RSPH3: variants seen among roughly 807,000 people sequenced by gnomAD.
RSPH3 encodes radial spoke head protein 3 homolog.
In RSPH3, 21 loss-of-function variants were observed where a neutral mutation model predicts 43.8. The ratio of observed to expected loss-of-function variants is 0.48; its 90% confidence interval spans 0.34 to 0.69. The LOEUF (loss-of-function observed/expected upper bound fraction) is 0.69. RSPH3 is among the 30% of genes least tolerant of loss of function. The pLI, the probability that RSPH3 is intolerant of heterozygous loss-of-function variation, is 0.01. For synonymous variants in RSPH3, 173 were observed against 179.8 expected (o/e 0.96, Z 0.30); for missense variants, 487 against 516.0 (o/e 0.94, Z 0.54).
chr6:158,982,754 A>C, intron 4 of RSPH3, 66 bp from the exon 5 acceptor site: 1 of 1,049,674 alleles, frequency 9.5e-7, no homozygotes, highest in Non-Finnish European at 1.4e-6. Context: ...ACAAAAATAT[A>C]ATGAATAGCA....
Position 159,000,036 on chromosome 6 carries a change from C to T in RSPH3, c.-486G>A. The T allele has an allele frequency of 6.7e-7, 1 of 1,496,806 alleles. No homozygotes were observed. Among genetic ancestry groups the T allele is most frequent in the East Asian group, 2.3e-5 (1 of 43,002 alleles). 92.7% of individuals were successfully genotyped at this position (1,496,806 alleles called of 1,614,324 possible). A position where few individuals can be genotyped will look rare whatever the true frequency, so the allele number is the denominator to read the frequency against. On this transcript the variant is annotated 5_prime_UTR_variant, in exon 1 of 8. Coordinates refer to ENST00000367069, the MANE Select transcript of RSPH3 (RefSeq NM_031924.8). ...GGCCCGGCTTTGGAATGTGGCTTTG[C>T]AGGGCTGGTGTTGGCGCCATTCTCG...
chr6:158,994,535 C>T (rs561396809), intron 1 of RSPH3, among the ~76,000 whole-genome samples: 2 of 152,220 alleles, frequency 1.3e-5, no homozygotes, highest in African/African-American at 2.4e-5. Flanking sequence ...CCTGTAATCC[C>T]AGCTGCTCTG....
chr6:158,967,519 A>T, the RSPH3 span, among the ~76,000 whole-genome samples: 1 of 152,200 alleles, frequency 6.6e-6, no homozygotes, highest in African/African-American at 2.4e-5. Flanking sequence ...TTGGTCTAAC[A>T]TAATCCTGGA....
chr6:158,966,663 A>G, the RSPH3 span, among the ~76,000 whole-genome samples: 1 of 151,876 alleles, frequency 6.6e-6, no homozygotes, highest in Non-Finnish European at 1.5e-5. Context: ...CTGGTAAAAT[A>G]TCATTTCCTT....
At position 158,999,633 on chromosome 6, in the gene RSPH3, T is replaced by C. The variant is rs200241091; in HGVS notation, c.-83A>G. 6.8e-6 allele frequency: 11 copies of C among 1,613,178 alleles called. No individual in the cohort carries two copies. The Admixed American group carries it at 1.8e-4, about 27-fold the overall frequency. On this transcript the variant is annotated 5_prime_UTR_variant, in exon 1 of 8. Transcript: ENST00000367069. ...TAAGGTGTTGTGGGACCCGGAGAGA[T>C]GTAAGTAGTGCCAAGGGCAAGGATT... is the stretch of plus-strand genomic sequence containing the variant.
Position 158,980,808 on chromosome 6 carries a change from C to T in RSPH3, c.825G>A (p.Arg275=), listed in dbSNP as rs1462785305. ...DLLPSVFGSL[R]DSGYFYDPIE... ...TGGGATCATAAAAGTAGCCACTATC[C>T]CTGAGGCTGCCAAAAACAGACGGGA... Residue 275 remains arginine, a synonymous_variant, in exon 6 of 8, where the codon AGG becomes AGA. Transcript: ENST00000367069. 2 of 1,614,014 alleles carry T rather than the reference C, an allele frequency of 1.2e-6. No individual in the cohort carries two copies. Among genetic ancestry groups the T allele is most frequent in the Non-Finnish European group, 1.7e-6 (2 of 1,179,948 alleles).
In RSPH3 at chr6:158,993,941, A is replaced by G; in HGVS notation, c.117-15T>C. The stretch of plus-strand genomic sequence containing the variant: ...GTTCTTCATCTCTGTAAAACAGAAA[A>G]TTCTGTATAACCACTTTAATAGAGT... On this transcript the variant is annotated splice_polypyrimidine_tract_variant and intron_variant, in intron 1 of 7. Transcript: ENST00000367069. 1 of 1,450,874 alleles carries G rather than the reference A, an allele frequency of 6.9e-7. No individual in the cohort carries two copies. Among genetic ancestry groups the G allele is most frequent in the Non-Finnish European group, 9.7e-7 (1 of 1,032,076 alleles). 89.9% of individuals were successfully genotyped at this position (1,450,874 alleles called of 1,614,324 possible). A position where few individuals can be genotyped will look rare whatever the true frequency, so the allele number is the denominator to read the frequency against.
chr6:158,998,316 AAAAAG>A (rs1778680908), intron 1 of RSPH3, among the ~76,000 whole-genome samples: 1 of 147,570 alleles, frequency 6.8e-6, no homozygotes, highest in Non-Finnish European at 1.5e-5. Flanking sequence ...AAAAAAAAAA[AAAAAG>A]AGCCGGGCGT....
downstream of RSPH3, among the ~76,000 whole-genome samples, chr6:158,970,373 C>T (rs764890378): frequency 8.7e-4 from 133 of 152,066 alleles, no homozygotes; most frequent in Non-Finnish European, 1.2e-3. Context: ...GTTGGGCATG[C>T]CTTTACTATT....
intron 6 of RSPH3, among the ~76,000 whole-genome samples, chr6:158,980,163 A>G (rs1288002908): frequency 6.6e-6 from 1 of 152,186 alleles, no homozygotes; most frequent in Non-Finnish European, 1.5e-5. Flanking sequence ...GCTGGGCACG[A>G]GTGGCTCACG....
chr6:158,972,056 C>A (rs1381318674), downstream of RSPH3, among the ~76,000 whole-genome samples: 1 of 152,070 alleles, frequency 6.6e-6, no homozygotes, highest in South Asian at 2.1e-4. Context: ...CATGATAGGG[C>A]TGATATGGCA....
chr6:158,993,920 T>G lies in RSPH3; in HGVS notation c.123A>C (p.Glu41Asp). Reference protein sequence around the residue: ...RYRDSLTQPDEEPMHYGNIMY... With the variant: ...RYRDSLTQPDDEPMHYGNIMY... ...TTATGTTTCCATAATGCATAGGTTC[T>G]TCATCTCTGTAAAACAGAAAATTCT... The change falls in exon 2 of 8, where the codon GAA becomes GAC. Residue 41 changes from glutamate (E) to aspartate (D), a missense_variant. Glu to Asp is a conservative substitution (Grantham distance 45). Coordinates refer to ENST00000367069, the MANE Select transcript of RSPH3 (RefSeq NM_031924.8). 6.2e-7 allele frequency: 1 copy of G among 1,601,372 alleles called. No homozygotes were observed. Among genetic ancestry groups the G allele is most frequent in the South Asian group, 1.1e-5 (1 of 90,704 alleles).
the RSPH3 span, among the ~76,000 whole-genome samples, chr6:158,963,218 G>A: frequency 2.6e-4 from 40 of 152,190 alleles, no homozygotes; most frequent in Admixed American, 9.2e-4. Context: ...GAAAGGCAAT[G>A]TTATAAGTGA....
chr6:158,980,714 T>C, intron 6 of RSPH3, 60 bp downstream of exon 6: 2 of 1,323,682 alleles, frequency 1.5e-6, no homozygotes, highest in Non-Finnish European at 2.1e-6. Context: ...TAAGATAAAT[T>C]TGAACCATTA....
chr6:158,980,348 G>A (rs1777991780), intron 6 of RSPH3, among the ~76,000 whole-genome samples: 1 of 151,720 alleles, frequency 6.6e-6, no homozygotes, highest in Non-Finnish European at 1.5e-5. Context: ...AGAATTGCTT[G>A]AACCCAGGAG....
At position 158,981,806 on chromosome 6, in the gene RSPH3, A is replaced by G. The variant is rs544164369; in HGVS notation, c.696+679T>C. Among the ~76,000 whole-genome samples, 37 of 152,314 alleles carry G rather than the reference A, an allele frequency of 2.4e-4. No homozygotes were observed. The South Asian group carries it at 7.5e-3, about 31-fold the overall frequency. On this transcript the variant is annotated intron_variant, in intron 5 of 7. Coordinates refer to ENST00000367069, the MANE Select transcript of RSPH3 (RefSeq NM_031924.8). The stretch of plus-strand genomic sequence containing the variant: ...TTTTTTCTTAACTGTTTCAGGTATT[A>G]AGATATGACTTTATAATTTGTTCAT...
downstream of RSPH3, among the ~76,000 whole-genome samples, chr6:158,968,126 C>T (rs769764193): frequency 1.3e-5 from 2 of 152,148 alleles, no homozygotes; most frequent in Non-Finnish European, 2.9e-5. Context: ...TGGATTTTTA[C>T]ATGTCTTATG....
chr6:158,964,527 C>T, the RSPH3 span, among the ~76,000 whole-genome samples: 4 of 152,100 alleles, frequency 2.6e-5, no homozygotes, highest in African/African-American at 9.7e-5. Flanking sequence ...TTTTAGCCAC[C>T]TTAATGGGTA....
intron 3 of RSPH3, 65 bp downstream of exon 3, chr6:158,986,215 A>G: frequency 6.5e-7 from 1 of 1,531,430 alleles, no homozygotes. Context: ...GGCCAAATAA[A>G]AATGAACTGA....
Sources: gnomAD v4.1 joint callset for allele counts (sites outside exome capture counted in the v4.1 genomes callset) on GRCh38, gnomAD v4.1.1 for gene constraint, MANE v1.5 for transcripts, NCBI Gene and HGNC (gene_info 2026-07-23, HGNC 2026-07-21) for gene names.